The following KLHL1 variants were observed in gnomAD, a reference collection of about 807,000 sequenced individuals.
KLHL1 encodes kelch like family member 1.
Under a neutral mutation model 77.7 loss-of-function variants are expected in KLHL1, and 47 were observed. The observed-to-expected ratio is 0.60, with a 90% CI of 0.48 to 0.77. The LOEUF is 0.77. KLHL1 is among the 30% of genes least tolerant of loss of function. KLHL1 has a pLI of 0.00. For synonymous variants in KLHL1, 360 were observed against 325.2 expected (o/e 1.11, Z -1.15); for missense variants, 925 against 910.8 (o/e 1.02, Z -0.20).
chr13:69,895,921 T>C (rs971232936), intron 4 of KLHL1, among the ~76,000 whole-genome samples: 30 of 152,118 alleles, frequency 2.0e-4, no homozygotes, highest in African/African-American at 6.8e-4. Flanking sequence ...TTAATCAGGC[T>C]GCTCTTGAAC....
In KLHL1 at chr13:70,016,430, G is replaced by A. The variant is rs140942263; in HGVS notation, c.498-40628C>T. Among the ~76,000 whole-genome samples, 25 of 152,332 alleles carry A rather than the reference G, an allele frequency of 1.6e-4. 1 individual carries two copies. Among genetic ancestry groups the A allele is most frequent in the Middle Eastern group, 6.8e-3 (2 of 294 alleles). ...GGGCCCAGGAAGACCCCCTGTCCCC[G>A]TAGGCTCGTAAGTGCCTGCTCTAGC... is the stretch of plus-strand genomic sequence containing the variant. On this transcript the variant is annotated intron_variant, in intron 1 of 10. Transcript: ENST00000377844.
intron 2 of KLHL1, among the ~76,000 whole-genome samples, chr13:69,973,364 C>T (rs1388484795): frequency 2.0e-5 from 3 of 151,528 alleles, no homozygotes; most frequent in Admixed American, 6.6e-5. Context: ...ATAAATTAAA[C>T]ATATATAATT....
intron 8 of KLHL1, among the ~76,000 whole-genome samples, chr13:69,724,294 C>T (rs1017167225): frequency 6.6e-6 from 1 of 152,068 alleles, no homozygotes; most frequent in African/African-American, 2.4e-5. Context: ...CCCCTGACCA[C>T]CTTGGGCACA....
chr13:69,947,883 C>G (rs182462302), intron 3 of KLHL1, among the ~76,000 whole-genome samples: 7 of 152,052 alleles, frequency 4.6e-5, no homozygotes, highest in Non-Finnish European at 8.8e-5. Context: ...AGCATGAAAA[C>G]TGCTAATGGA....
rs534748319 is a variant in KLHL1 at position 70,078,438 on chromosome 13, GTATAACTTCCAAATTT to G, written c.497+28749_497+28764del. ...ATTTAATCATAGAAAACCTTCATTT[GTATAACTTCCAAATTT>G]TCTCTTTAAATATTAATAAAACACT... On this transcript the variant is annotated intron_variant, in intron 1 of 10. Transcript: ENST00000377844. Among the ~76,000 whole-genome samples, 11 of 152,048 alleles carry G rather than the reference GTATAACTTCCAAATTT, an allele frequency of 7.2e-5. No individual in the cohort carries two copies. In the East Asian group the frequency reaches 2.1e-3, roughly 29 times the overall value.
Position 70,108,239 on chromosome 13 carries a change from G to C in KLHL1, c.-540C>G, listed in dbSNP as rs115475614. The C allele has an allele frequency of 1.6e-3, 618 of 389,474 alleles. 8 individuals carry two copies. The highest frequency in any genetic ancestry group is 1.0e-2 in the African/African-American group (485 of 48,552). 24.1% of individuals were successfully genotyped at this position (389,474 alleles called of 1,614,324 possible). A position where few individuals can be genotyped will look rare whatever the true frequency, so the allele number is the denominator to read the frequency against. On this transcript the variant is annotated 5_prime_UTR_variant, in exon 1 of 11. In the 5' UTR this introduces an upstream ATG that the reference lacks. Transcript: ENST00000377844. The stretch of plus-strand genomic sequence containing the variant: ...TCTCGAGGAAGCGTACCCCTCGCCA[G>C]ATCTCTTGGTGCACCTGCGCCCCTG...
At chr13:69,826,668 T>C (rs1365891097) in intron 6 of KLHL1, among the ~76,000 whole-genome samples, 1 of 152,208 alleles carries the variant, frequency 6.6e-6, no homozygotes, top group Non-Finnish European at 1.5e-5. Flanking sequence ...ATGTTAATTA[T>C]CTTGATTGAG....
intron 5 of KLHL1, among the ~76,000 whole-genome samples, chr13:69,849,341 C>T (rs1879595709): frequency 6.6e-6 from 1 of 151,462 alleles, no homozygotes; most frequent in South Asian, 2.1e-4. Flanking sequence ...AAAAATTCTA[C>T]AATATAACTC....
intron 1 of KLHL1, among the ~76,000 whole-genome samples, chr13:70,009,119 G>A (rs1201140761): frequency 6.6e-6 from 1 of 151,980 alleles, no homozygotes; most frequent in Non-Finnish European, 1.5e-5. Flanking sequence ...ATTAGGTAGT[G>A]AAAATAAAAA....
intron 7 of KLHL1, among the ~76,000 whole-genome samples, chr13:69,754,735 A>G (rs2113355): frequency 0.23 from 35,452 of 151,916 alleles, 4,271 homozygotes; most frequent in South Asian, 0.3. Flanking sequence ...CTGTTGCACA[A>G]TGGCTTTTCT....
At chr13:70,007,454 A>AC (rs1885432872) in intron 1 of KLHL1, among the ~76,000 whole-genome samples, 3 of 151,940 alleles carry the variant, frequency 2.0e-5, no homozygotes, top group Admixed American at 2.0e-4. Flanking sequence ...CAAAAAAAAA[A>AC]ACACAAGTAA....
Position 69,796,909 on chromosome 13 carries a change from C to T in KLHL1, c.1468G>A (p.Gly490Arg). The T allele has an allele frequency of 6.2e-7, 1 of 1,614,156 alleles. No individual in the cohort carries two copies. The highest frequency in any genetic ancestry group is 8.5e-7 in the Non-Finnish European group (1 of 1,180,016). Residue 490 changes from glycine to arginine, a missense_variant, in exon 7 of 11, where the codon GGG (glycine) becomes AGG (arginine). Coordinates refer to ENST00000377844, the MANE Select transcript of KLHL1 (RefSeq NM_020866.3). ...DLRTNLWIQA[G>R]MMNGRRLQFG... The stretch of plus-strand genomic sequence containing the variant: ...TGCAGCCTTCTGCCATTCATCATCC[C>T]TGCCTGGATCCACAGATTTGTTCTC...
intron 7 of KLHL1, among the ~76,000 whole-genome samples, chr13:69,757,793 T>TCCA (rs375099707): frequency 0.23 from 34,047 of 151,314 alleles, 3,937 homozygotes; most frequent in South Asian, 0.31. Context: ...TCGTCCCTAC[T>TCCA]AAAAATGCAA....
At position 70,108,359 on chromosome 13, in the gene KLHL1, G is replaced by A. The variant is rs1427617739; in HGVS notation, c.-660C>T. On this transcript the variant is annotated 5_prime_UTR_variant, in exon 1 of 11. Coordinates refer to ENST00000377844, the MANE Select transcript of KLHL1 (RefSeq NM_020866.3). ...ATGCCAGAAGAGGTGGTTTTATATA[G>A]TCAGTTTGTAAAAGAGAAAAATAGA... 1.3e-5 allele frequency: 3 copies of A among 231,982 alleles called. No homozygotes were observed. Among genetic ancestry groups the A allele is most frequent in the Non-Finnish European group, 2.5e-5 (3 of 121,318 alleles). The allele number at this position is 231,982 out of a possible 1,614,324, so 14.4% of individuals were successfully genotyped here.
rs1875374939 is a variant in KLHL1, at chr13:69,701,185, G to C, written c.*517C>G. On this transcript the variant is annotated 3_prime_UTR_variant, in exon 11 of 11. Coordinates refer to ENST00000377844, the MANE Select transcript of KLHL1 (RefSeq NM_020866.3). ...TTGTTCTCATAGCTTAGGAAAATGA[G>C]GCAGAAGCAGGTTTGTTTGAATAAA... 6.6e-6 allele frequency: 1 copy of C among 152,126 alleles called. No individual in the cohort carries two copies. The highest frequency in any genetic ancestry group is 1.5e-5 in the Non-Finnish European group (1 of 67,894). 9.4% of individuals were successfully genotyped at this position (152,126 alleles called of 1,614,324 possible). A position where few individuals can be genotyped will look rare whatever the true frequency, so the allele number is the denominator to read the frequency against.
intron 1 of KLHL1, among the ~76,000 whole-genome samples, chr13:70,011,832 A>T (rs1453524282): frequency 6.6e-6 from 1 of 152,176 alleles, no homozygotes; most frequent in East Asian, 1.9e-4. Context: ...GTCCATTTTC[A>T]TGCCGTTGAT....
At chr13:70,079,089 G>C (rs532668992) in intron 1 of KLHL1, among the ~76,000 whole-genome samples, 2 of 152,240 alleles carry the variant, frequency 1.3e-5, no homozygotes, top group South Asian at 4.2e-4. Context: ...ATGCAAACTA[G>C]ACAATCATCA....
intron 7 of KLHL1, among the ~76,000 whole-genome samples, chr13:69,788,961 C>T (rs1162120375): frequency 6.7e-6 from 1 of 150,236 alleles, no homozygotes; most frequent in African/African-American, 2.4e-5. Context: ...CTGTTTTCCT[C>T]TTTTCCCCTC....
At chr13:69,811,587 A>G (rs1459772451) in intron 6 of KLHL1, among the ~76,000 whole-genome samples, 3 of 152,120 alleles carry the variant, frequency 2.0e-5, no homozygotes, top group Non-Finnish European at 4.4e-5. Flanking sequence ...GATGTTCACT[A>G]TAAATCCTCT....
Sources: allele counts gnomAD v4.1 joint callset (sites outside exome capture counted in the v4.1 genomes callset), GRCh38; gene constraint gnomAD v4.1.1; transcripts MANE v1.5; gene names NCBI Gene and HGNC (gene_info 2026-07-23, HGNC 2026-07-21).